SGCG: variants seen among roughly 807,000 people sequenced by gnomAD.
SGCG encodes the protein gamma-sarcoglycan.
Under a neutral mutation model 29.3 loss-of-function variants are expected in SGCG, and 26 were observed. That is an observed-to-expected ratio of 0.89 (90% CI 0.65 to 1.23). SGCG has a LOEUF of 1.23. Ranked by LOEUF, SGCG falls within the 50% of genes most tolerant of loss-of-function variation. The probability of loss-of-function intolerance (pLI) is 0.00; values close to 1 mark genes in which losing one functional copy is unlikely to be tolerated. For synonymous variants in SGCG, 145 were observed against 129.7 expected (o/e 1.12, Z -0.80); for missense variants, 353 against 356.0 (o/e 0.99, Z 0.07).
intron 7 of SGCG, 119 bp from the exon 8 acceptor site, chr13:23,324,249 T>C: frequency 1.2e-6 from 1 of 845,172 alleles, no homozygotes; most frequent in Non-Finnish European, 2.0e-6. Flanking sequence ...TAAAGTCAGG[T>C]GCCTATTTTG....
chr13:23,229,334 G>A (rs911692630), intron 2 of SGCG, among the ~76,000 whole-genome samples: 7 of 152,168 alleles, frequency 4.6e-5, no homozygotes, highest in Non-Finnish European at 4.4e-5. Context: ...GGATTGCTGG[G>A]CTGAATGTTA....
intron 6 of SGCG, among the ~76,000 whole-genome samples, chr13:23,315,246 C>G (rs1421844044): frequency 1.3e-5 from 2 of 152,200 alleles, no homozygotes; most frequent in African/African-American, 4.8e-5. Context: ...TGTGGGTCAT[C>G]AAGTCACCAT....
At chr13:23,262,039 A>T (rs1880457454) in intron 4 of SGCG, among the ~76,000 whole-genome samples, 1 of 152,042 alleles carries the variant, frequency 6.6e-6, no homozygotes, top group East Asian at 1.9e-4. Flanking sequence ...GTCAATACAC[A>T]CCAGAATAGA....
chr13:23,251,051 G>A (rs1402127900), intron 4 of SGCG, among the ~76,000 whole-genome samples: 1 of 152,216 alleles, frequency 6.6e-6, no homozygotes, highest in Non-Finnish European at 1.5e-5. Context: ...AAAGAGCACA[G>A]AGACCAGTGG....
At chr13:23,220,290 A>G (rs1342846377) in intron 2 of SGCG, among the ~76,000 whole-genome samples, 2 of 152,122 alleles carry the variant, frequency 1.3e-5, no homozygotes, top group Non-Finnish European at 2.9e-5. Context: ...CGTCTCTACT[A>G]AAAATACAGA....
At chr13:23,177,567 G>GCTTT (rs1876598432), upstream of SGCG, among the ~76,000 whole-genome samples, 4 of 115,496 alleles carry the variant, frequency 3.5e-5, no homozygotes, top group African/African-American at 1.1e-4. Context: ...ATGTGAGCAG[G>GCTTT]CTTTTTTTTT....
the SGCG span, among the ~76,000 whole-genome samples, chr13:23,169,627 C>T: frequency 6.6e-6 from 1 of 150,572 alleles, no homozygotes; most frequent in Admixed American, 6.7e-5. Flanking sequence ...TGCAGTGAGC[C>T]GAGATCTTGC....
At chr13:23,234,060 T>C (rs9552886) in intron 2 of SGCG, among the ~76,000 whole-genome samples, 22,976 of 152,212 alleles carry the variant, frequency 0.15, 1,781 homozygotes, top group East Asian at 0.29. Context: ...AATCTGGTAA[T>C]CTTTCATGAC....
chr13:23,209,459 G>GA (rs1878111384), intron 2 of SGCG, among the ~76,000 whole-genome samples: 1 of 152,120 alleles, frequency 6.6e-6, no homozygotes, highest in East Asian at 1.9e-4. Flanking sequence ...AGGAAGCTGG[G>GA]AAAATGTTAT....
intron 1 of SGCG, among the ~76,000 whole-genome samples, chr13:23,187,226 G>GAAC (rs1877014726): frequency 6.6e-5 from 10 of 152,178 alleles, no homozygotes; most frequent in Non-Finnish European, 1.5e-4. Context: ...CTCTCGCTAT[G>GAAC]GTGCCCCTTC....
chr13:23,243,502 G>A (rs1044334020), intron 3 of SGCG: 3 of 152,256 alleles, frequency 2.0e-5, no homozygotes, highest in African/African-American at 7.2e-5. Flanking sequence ...TGAGAAAGCA[G>A]GCAACCCCTG....
chr13:23,232,569 T>C (rs1879151878), intron 2 of SGCG, among the ~76,000 whole-genome samples: 1 of 152,116 alleles, frequency 6.6e-6, no homozygotes, highest in African/African-American at 2.4e-5. Context: ...GATCATGAGG[T>C]CAGGAGATCA....
At chr13:23,162,189 T>G in the SGCG span, among the ~76,000 whole-genome samples, 3 of 152,212 alleles carry the variant, frequency 2.0e-5, no homozygotes, top group African/African-American at 7.2e-5. Context: ...GTTGGTAATA[T>G]TTAAGATCAT....
In SGCG at chr13:23,255,124, A is replaced by G. The variant is rs1208380934; in HGVS notation, c.385+4407A>G. On this transcript the variant is annotated intron_variant, in intron 4 of 7. Coordinates refer to ENST00000218867, the MANE Select transcript of SGCG (RefSeq NM_000231.3). ...TGGGAAGGGAGCCACTGCCCTCCAG[A>G]CCCCAGAATCGTCGAGCTACCAGAA... is the stretch of plus-strand genomic sequence containing the variant. 2.0e-5 allele frequency among the ~76,000 whole-genome samples: 3 copies of G among 152,078 alleles called. No homozygotes were observed. The East Asian group carries it at 5.8e-4, about 29-fold the overall frequency.
At chr13:23,181,720 T>C (rs1876740861) in intron 1 of SGCG, among the ~76,000 whole-genome samples, 1 of 152,234 alleles carries the variant, frequency 6.6e-6, no homozygotes, top group South Asian at 2.1e-4. Flanking sequence ...TGCTAATGCT[T>C]CAGCTTACTG....
chr13:23,281,657 T>G (rs2137621474), intron 5 of SGCG, among the ~76,000 whole-genome samples: 1 of 152,276 alleles, frequency 6.6e-6, no homozygotes, highest in East Asian at 1.9e-4. Flanking sequence ...GAGATGGTTT[T>G]GGGATGAAAC....
intron 3 of SGCG, among the ~76,000 whole-genome samples, chr13:23,249,849 A>G (rs868129536): frequency 6.6e-6 from 1 of 152,238 alleles, no homozygotes; most frequent in South Asian, 2.1e-4. Flanking sequence ...ATAGGAAAAT[A>G]TGGTAATAGT....
intron 2 of SGCG, among the ~76,000 whole-genome samples, chr13:23,233,857 G>T (rs751053281): frequency 6.6e-6 from 1 of 152,156 alleles, no homozygotes; most frequent in Non-Finnish European, 1.5e-5. Context: ...AGGAGATGAA[G>T]AATGTGGTTC....
intron 4 of SGCG, among the ~76,000 whole-genome samples, chr13:23,277,758 G>A (rs1477686208): frequency 6.7e-6 from 1 of 150,092 alleles, no homozygotes; most frequent in East Asian, 2.0e-4. Flanking sequence ...GAGTGCAGTG[G>A]CGTGATCTCG....
Sources: allele counts gnomAD v4.1 joint callset (sites outside exome capture counted in the v4.1 genomes callset), GRCh38; gene constraint gnomAD v4.1.1; transcripts MANE v1.5; gene names NCBI Gene and HGNC (gene_info 2026-07-23, HGNC 2026-07-21).